Variants in ADAMTS17 observed in about 807,000 individuals in gnomAD.
ADAMTS17 encodes ADAM metallopeptidase with thrombospondin type 1 motif 17.
ADAMTS17 carries 113 observed loss-of-function variants against 141.5 expected under a neutral mutation model. That is an observed-to-expected ratio of 0.80 (90% CI 0.69 to 0.93). ADAMTS17 has a LOEUF of 0.93. Among genes scored for constraint, ADAMTS17 ranks in the 40% least tolerant of loss-of-function variants. The pLI, the probability that ADAMTS17 is intolerant of heterozygous loss-of-function variation, is 0.00. For missense variants in ADAMTS17, 1,659 were observed against 1,517.9 expected (o/e 1.09, Z -1.54); for synonymous variants, 768 against 630.6 (o/e 1.22, Z -3.27).
chr15:100,284,614 C>T lies in ADAMTS17; in HGVS notation c.617-3213G>A, dbSNP rs114375964. Among the ~76,000 whole-genome samples, 861 of 152,234 alleles carry T rather than the reference C, an allele frequency of 5.7e-3. 6 individuals are homozygous for T. Among genetic ancestry groups the T allele is most frequent in the African/African-American group, 0.019 (796 of 41,540 alleles). On this transcript the variant is annotated intron_variant, in intron 3 of 21. Coordinates refer to ENST00000268070, the MANE Select transcript of ADAMTS17 (RefSeq NM_139057.4). ...CTGAGGGGTGGGAGGCTAGAGGGCA[C>T]CTTAGCCTTCTCCTCCCTCCCTGAT...
At chr15:100,069,840 G>A (rs1191854004) in intron 15 of ADAMTS17, among the ~76,000 whole-genome samples, 2 of 150,194 alleles carry the variant, frequency 1.3e-5, no homozygotes, top group South Asian at 2.1e-4. Flanking sequence ...ACCAACTAAC[G>A]AGCAAAATAT....
intron 19 of ADAMTS17, among the ~76,000 whole-genome samples, chr15:99,994,283 G>A (rs1211681962): frequency 1.3e-5 from 2 of 152,248 alleles, no homozygotes; most frequent in East Asian, 3.9e-4. Flanking sequence ...AATATGGCAG[G>A]CGACAGCACT....
intron 15 of ADAMTS17, chr15:100,063,548 C>T (rs2033281121): frequency 1.4e-6 from 1 of 714,492 alleles, no homozygotes; most frequent in Non-Finnish European, 2.1e-6. Context: ...CCTCTGGGTG[C>T]TCATGTCATT....
intron 8 of ADAMTS17, among the ~76,000 whole-genome samples, chr15:100,184,772 G>T (rs1003727634): frequency 6.6e-6 from 1 of 152,136 alleles, no homozygotes; most frequent in African/African-American, 2.4e-5. Flanking sequence ...GCCATCACCA[G>T]ATCAGACTTC....
At chr15:100,309,774 C>A (rs2045344245) in intron 3 of ADAMTS17, among the ~76,000 whole-genome samples, 1 of 152,210 alleles carries the variant, frequency 6.6e-6, no homozygotes, top group African/African-American at 2.4e-5. Flanking sequence ...CTCCAGAACT[C>A]TGGGCCCACC....
At chr15:100,161,405 G>A (rs1417634311) in intron 8 of ADAMTS17, among the ~76,000 whole-genome samples, 3 of 151,942 alleles carry the variant, frequency 2.0e-5, no homozygotes, top group Non-Finnish European at 4.4e-5. Flanking sequence ...AGTCTTGGCT[G>A]AGTCTGTGGA....
At chr15:99,989,035 C>G (rs940616191) in intron 20 of ADAMTS17, among the ~76,000 whole-genome samples, 4 of 152,200 alleles carry the variant, frequency 2.6e-5, no homozygotes, top group African/African-American at 9.7e-5. Flanking sequence ...CCTTGGAGCC[C>G]AAAGACCATC....
chr15:100,053,561 G>C (rs922675703), intron 16 of ADAMTS17, among the ~76,000 whole-genome samples: 1 of 152,168 alleles, frequency 6.6e-6, no homozygotes, highest in African/African-American at 2.4e-5. Context: ...ACTTGGAGTG[G>C]GGCTGTCTGC....
intron 8 of ADAMTS17, among the ~76,000 whole-genome samples, chr15:100,161,976 C>T (rs550882780): frequency 1.8e-4 from 27 of 152,128 alleles, no homozygotes; most frequent in Non-Finnish European, 3.7e-4. Flanking sequence ...GACTGGGGGT[C>T]GCCATAGATT....
At chr15:100,066,418 T>C (rs1420410652) in intron 15 of ADAMTS17, among the ~76,000 whole-genome samples, 2 of 152,202 alleles carry the variant, frequency 1.3e-5, no homozygotes, top group Non-Finnish European at 2.9e-5. Flanking sequence ...ATGTGGTGTT[T>C]GCTTAGTTTT....
chr15:100,133,108 G>A (rs997759568), intron 11 of ADAMTS17, 106 bp downstream of exon 11: 1 of 1,137,210 alleles, frequency 8.8e-7, no homozygotes, highest in Non-Finnish European at 1.3e-6. Flanking sequence ...CCTGGGGGAT[G>A]TTTCAGGGGC....
intron 18 of ADAMTS17, among the ~76,000 whole-genome samples, chr15:100,020,221 A>C (rs895589283): frequency 6.6e-6 from 1 of 152,174 alleles, no homozygotes; most frequent in Non-Finnish European, 1.5e-5. Flanking sequence ...CCTCCCCAGC[A>C]TTCCACCCCC....
At chr15:99,989,608 A>G (rs2573601) in intron 20 of ADAMTS17, among the ~76,000 whole-genome samples, 16,086 of 152,166 alleles carry the variant, frequency 0.11, 2,579 homozygotes, top group African/African-American at 0.35. Context: ...CCAGTGTGTT[A>G]CTTATGGATC....
chr15:100,061,923 T>C (rs1370054045), intron 15 of ADAMTS17, among the ~76,000 whole-genome samples: 2 of 152,214 alleles, frequency 1.3e-5, no homozygotes, highest in Non-Finnish European at 2.9e-5. Flanking sequence ...AGGGTAACTT[T>C]TTGGCATGAT....
At chr15:100,255,593 C>T (rs1466840958) in intron 6 of ADAMTS17, among the ~76,000 whole-genome samples, 5 of 96,878 alleles carry the variant, frequency 5.2e-5, no homozygotes, top group African/African-American at 1.8e-4. Context: ...ATTCAGCACC[C>T]TTCCCAATTC....
intron 15 of ADAMTS17, among the ~76,000 whole-genome samples, chr15:100,069,330 T>C (rs1191878439): frequency 6.6e-6 from 1 of 152,214 alleles, no homozygotes; most frequent in Non-Finnish European, 1.5e-5. Flanking sequence ...CAGGATATTA[T>C]ACAGGAGAAC....
intron 2 of ADAMTS17, among the ~76,000 whole-genome samples, chr15:100,331,508 T>C (rs2046053271): frequency 6.6e-6 from 1 of 152,138 alleles, no homozygotes; most frequent in Non-Finnish European, 1.5e-5. Flanking sequence ...TTTGACAGCA[T>C]CAAAACAATT....
At chr15:100,206,051 T>C (rs1241948883) in intron 7 of ADAMTS17, among the ~76,000 whole-genome samples, 2 of 152,190 alleles carry the variant, frequency 1.3e-5, no homozygotes, top group African/African-American at 4.8e-5. Context: ...CACACCCTCA[T>C]TCTGACCGCT....
chr15:100,325,819 C>G (rs2045882847), intron 3 of ADAMTS17, among the ~76,000 whole-genome samples: 1 of 152,144 alleles, frequency 6.6e-6, no homozygotes, highest in Admixed American at 6.5e-5. Context: ...AATTACCCAG[C>G]CTCAGGTATT....
Sources: gnomAD v4.1 joint callset for allele counts (sites outside exome capture counted in the v4.1 genomes callset) on GRCh38, gnomAD v4.1.1 for gene constraint, MANE v1.5 for transcripts, NCBI Gene and HGNC (gene_info 2026-07-23, HGNC 2026-07-21) for gene names.